The following GFOD2 variants were observed in gnomAD, a reference collection of about 807,000 sequenced individuals.
GFOD2 encodes glucose-fructose oxidoreductase domain-containing protein 2.
GFOD2 carries 9 observed loss-of-function variants against 24.6 expected under a neutral mutation model. That is an observed-to-expected ratio of 0.37 (90% CI 0.22 to 0.64). The LOEUF is 0.64. GFOD2 is among the 30% of genes least tolerant of loss of function. The pLI is 0.65. For synonymous variants in GFOD2, 211 were observed against 224.8 expected (o/e 0.94, Z 0.55); for missense variants, 476 against 532.5 (o/e 0.89, Z 1.04).
chr16:67,687,142 C>T (rs1158480635), intron 1 of GFOD2, among the ~76,000 whole-genome samples: 9 of 131,020 alleles, frequency 6.9e-5, no homozygotes, highest in Non-Finnish European at 9.5e-5. Context: ...AATGAGACTC[C>T]GTCACAAAAA....
In GFOD2 at chr16:67,675,675, C is replaced by T; in HGVS notation, c.638G>A (p.Gly213Asp). The change falls in exon 3 of 3, where the codon GGC becomes GAC. Residue 213 changes from glycine to aspartate, a missense_variant. Physicochemically the swap from Gly to Asp is moderately conservative, Grantham distance 94 (BLOSUM62 -1). Transcript: ENST00000268797. ...TFVRQNAAIR[G>D]IRHVTSDDFC... ...GTCATCGCTAGTGACGTGCCGGATG[C>T]CACGGATGGCAGCGTTCTGCCTCAC... 2 of 1,613,658 alleles carry T rather than the reference C, an allele frequency of 1.2e-6. No homozygotes were observed. The highest frequency in any genetic ancestry group is 8.5e-7 in the Non-Finnish European group (1 of 1,180,050).
chr16:67,710,340 A>G (rs2053464676), intron 1 of GFOD2, among the ~76,000 whole-genome samples: 1 of 150,808 alleles, frequency 6.6e-6, no homozygotes, highest in African/African-American at 2.4e-5. Context: ...GGCTGGTCTC[A>G]AACTCCTCAC....
chr16:67,703,602 G>T lies in GFOD2; in HGVS notation c.-88+15561C>A, dbSNP rs1305504745. 2.6e-5 allele frequency among the ~76,000 whole-genome samples: 4 copies of T among 152,148 alleles called. No individual in the cohort carries two copies. In the East Asian group the frequency reaches 7.7e-4, roughly 29 times the overall value. ...CCTTTCTGTCTGGAATTACCACCAG[G>T]AGGTGACTTGAGGATAAAACACAAT... On this transcript the variant is annotated intron_variant, in intron 1 of 2. Coordinates refer to ENST00000268797, the MANE Select transcript of GFOD2 (RefSeq NM_030819.4).
intron 2 of GFOD2, chr16:67,680,749 T>A (rs575567782): frequency 1.0e-6 from 1 of 971,068 alleles, no homozygotes; most frequent in African/African-American, 1.8e-5. Context: ...TCAATTTATT[T>A]ATTTATTTTT....
intron 1 of GFOD2, among the ~76,000 whole-genome samples, chr16:67,713,774 G>C (rs1042320586): frequency 6.6e-6 from 1 of 152,024 alleles, no homozygotes; most frequent in Non-Finnish European, 1.5e-5. Context: ...GGCCATTGAC[G>C]ATCAACTTAA....
intron 1 of GFOD2, among the ~76,000 whole-genome samples, chr16:67,689,051 T>G (rs536769130): frequency 6.7e-6 from 1 of 149,912 alleles, no homozygotes; most frequent in South Asian, 2.1e-4. Context: ...CTTTTTGTTT[T>G]TTTTTTTAAA....
At chr16:67,688,902 A>T (rs1215882025) in intron 1 of GFOD2, among the ~76,000 whole-genome samples, 1 of 146,608 alleles carries the variant, frequency 6.8e-6, no homozygotes, top group Non-Finnish European at 1.5e-5. Context: ...TGCCCAGCTA[A>T]TTTTTTTTTT....
At chr16:67,692,431 T>C (rs1449562968) in intron 1 of GFOD2, among the ~76,000 whole-genome samples, 1 of 151,726 alleles carries the variant, frequency 6.6e-6, no homozygotes, top group East Asian at 1.9e-4. Context: ...AATAAAAAAA[T>C]TAGCTGGATG....
intron 2 of GFOD2, among the ~76,000 whole-genome samples, chr16:67,679,286 G>A (rs2142992545): frequency 6.7e-6 from 1 of 148,888 alleles, no homozygotes; most frequent in South Asian, 2.1e-4. Context: ...AGGCTGGAGT[G>A]CAATGGTACG....
intron 2 of GFOD2, among the ~76,000 whole-genome samples, chr16:67,679,164 C>T (rs1290375159): frequency 6.6e-6 from 1 of 151,956 alleles, no homozygotes; most frequent in Non-Finnish European, 1.5e-5. Flanking sequence ...GAGACTTTGT[C>T]TCAAATAAAT....
intron 1 of GFOD2, among the ~76,000 whole-genome samples, chr16:67,709,276 C>T (rs375445180): frequency 3.3e-5 from 5 of 151,592 alleles, no homozygotes; most frequent in East Asian, 3.9e-4. Context: ...CCACTGTACT[C>T]CAGCCTGGGC....
chr16:67,680,449 C>G (rs969127458), intron 2 of GFOD2: 1 of 152,262 alleles, frequency 6.6e-6, no homozygotes, highest in East Asian at 1.9e-4. Flanking sequence ...TTTTATCATA[C>G]GTACTGTTTA....
intron 1 of GFOD2, among the ~76,000 whole-genome samples, chr16:67,714,473 C>CAAA (rs1265596335): frequency 6.3e-4 from 34 of 53,644 alleles, no homozygotes; most frequent in Non-Finnish European, 1.2e-3. Flanking sequence ...AACACTGTCT[C>CAAA]AAAAAAAAAA....
chr16:67,703,939 G>A (rs1384262873), intron 1 of GFOD2, among the ~76,000 whole-genome samples: 3 of 152,194 alleles, frequency 2.0e-5, no homozygotes, highest in Non-Finnish European at 4.4e-5. Context: ...GAATCATACA[G>A]TATGTGTGCT....
chr16:67,684,983 A>C (rs574632304), intron 2 of GFOD2: 1 of 1,011,472 alleles, frequency 9.9e-7, no homozygotes, highest in African/African-American at 1.7e-5. Flanking sequence ...CCGGCAATAC[A>C]AGACTGCAGT....
chr16:67,710,609 A>G (rs868628171), intron 1 of GFOD2, among the ~76,000 whole-genome samples: 26 of 146,370 alleles, frequency 1.8e-4, no homozygotes, highest in African/African-American at 3.0e-4. Flanking sequence ...TGATCCACCC[A>G]CCTCAGCCTC....
intron 1 of GFOD2, among the ~76,000 whole-genome samples, chr16:67,694,987 CTTTTTTTTTTTT>C (rs542893576): frequency 1.6e-5 from 2 of 121,586 alleles, no homozygotes; most frequent in South Asian, 2.6e-4. Flanking sequence ...CCATCTCTCT[CTTTTTTTTTTTT>C]TTTTTTTTTT....
At position 67,675,044 on chromosome 16, in the gene GFOD2, G is replaced by T; in HGVS notation, c.*111C>A. 8.0e-7 allele frequency: 1 copy of T among 1,243,418 alleles called. No individual in the cohort carries two copies. Among genetic ancestry groups the T allele is most frequent in the South Asian group, 1.4e-5 (1 of 69,530 alleles). The allele number at this position is 1,243,418 out of a possible 1,614,324, so 77.0% of individuals were successfully genotyped here. On this transcript the variant is annotated 3_prime_UTR_variant, in exon 3 of 3. Transcript: ENST00000268797. ...CCAGAGCCACCTCTGGCTTCACCCA[G>T]ACTCATTAAATGAAAGACACTGTCT...
At chr16:67,711,602 G>A (rs976000564) in intron 1 of GFOD2, among the ~76,000 whole-genome samples, 2 of 152,086 alleles carry the variant, frequency 1.3e-5, no homozygotes, top group East Asian at 1.9e-4. Context: ...GCAAACAACC[G>A]CCTATTAACA....
Sources: gnomAD v4.1 joint callset for allele counts (sites outside exome capture counted in the v4.1 genomes callset) on GRCh38, gnomAD v4.1.1 for gene constraint, MANE v1.5 for transcripts, NCBI Gene and HGNC (gene_info 2026-07-23, HGNC 2026-07-21) for gene names.